MTSS1: variants seen among roughly 807,000 people sequenced by gnomAD.
MTSS1 encodes MTSS I-BAR domain containing 1.
Under a neutral mutation model 79.0 loss-of-function variants are expected in MTSS1, and 18 were observed. The observed-to-expected ratio is 0.23, with a 90% CI of 0.16 to 0.34. MTSS1 has a LOEUF of 0.34. Among genes scored for constraint, MTSS1 ranks in the 10% least tolerant of loss-of-function variants. The pLI is 1.00. For missense variants in MTSS1, 815 were observed against 986.2 expected, an observed-to-expected ratio of 0.83 and a Z score of 2.33; for synonymous variants, 341 against 368.6, an observed-to-expected ratio of 0.93 and a Z score of 0.86.
chr8:124,708,298 C>A lies in MTSS1; in HGVS notation c.73-4107G>T, dbSNP rs533705560. ...AGTGCTCGGTGCAGTGCCCAGCACA[C>A]TGGAAGTGCTCAACAAACATTTGAT... is the stretch of plus-strand genomic sequence containing the variant. On this transcript the variant is annotated intron_variant, in intron 1 of 13. Transcript: ENST00000518547. Among the ~76,000 whole-genome samples the A allele has an allele frequency of 2.0e-5, 3 of 152,304 alleles. No homozygotes were observed. In the South Asian group the frequency reaches 6.2e-4, roughly 32 times the overall value.
intron 3 of MTSS1, among the ~76,000 whole-genome samples, chr8:124,599,844 T>C (rs774996970): frequency 6.6e-6 from 1 of 152,154 alleles, no homozygotes; most frequent in Non-Finnish European, 1.5e-5. Flanking sequence ...TCTCTCACCA[T>C]GGCTAATCTA....
At position 124,568,906 on chromosome 8, in the gene MTSS1, G is replaced by T. The variant is rs1051484571; in HGVS notation, c.461-370C>A. On this transcript the variant is annotated intron_variant, in intron 6 of 13. Transcript: ENST00000518547. ...ACATTCTGAAGAGGCTAAGAGATGT[G>T]GAAACAAGGTAAGAGCCTGTGGGTG... 4 of 1,364,196 alleles carry T rather than the reference G, an allele frequency of 2.9e-6. No homozygotes were observed. The East Asian group carries it at 8.3e-5, about 28-fold the overall frequency. The allele number at this position is 1,364,196 out of a possible 1,614,324, so 84.5% of individuals were successfully genotyped here.
chr8:124,696,773 C>T (rs1406921536), intron 3 of MTSS1, among the ~76,000 whole-genome samples: 1 of 151,524 alleles, frequency 6.6e-6, no homozygotes, highest in Non-Finnish European at 1.5e-5. Context: ...ATCACTTGAA[C>T]CCTAGAGGGG....
intron 3 of MTSS1, among the ~76,000 whole-genome samples, chr8:124,655,072 A>T (rs1820693197): frequency 6.6e-6 from 1 of 152,198 alleles, no homozygotes; most frequent in Non-Finnish European, 1.5e-5. Context: ...TCTGCTCTCT[A>T]GCCCCCTAAA....
intron 3 of MTSS1, among the ~76,000 whole-genome samples, chr8:124,689,013 TC>T (rs1827496182): frequency 6.6e-6 from 1 of 152,050 alleles, no homozygotes; most frequent in Admixed American, 6.6e-5. Flanking sequence ...CAAGTAGTTC[TC>T]ACTTTAAGCT....
rs545540314 is a variant in MTSS1 at position 124,567,851 on chromosome 8, G to A, written c.618+528C>T. ...GTACCTTCGAATCAGCTTCCAGAAC[G>A]CCTGCAGTGCAAGTTCTCAATTACG... On this transcript the variant is annotated intron_variant, in intron 7 of 13. Coordinates refer to ENST00000518547, the MANE Select transcript of MTSS1 (RefSeq NM_014751.6). 5.3e-5 allele frequency: 78 copies of A among 1,478,312 alleles called. No homozygotes were observed. In the East Asian group the frequency reaches 1.0e-3, roughly 19 times the overall value. 91.6% of individuals were successfully genotyped at this position (1,478,312 alleles called of 1,614,324 possible). A position where few individuals can be genotyped will look rare whatever the true frequency, so the allele number is the denominator to read the frequency against.
intron 1 of MTSS1, among the ~76,000 whole-genome samples, chr8:124,707,701 C>T (rs897131945): frequency 1.7e-4 from 26 of 149,574 alleles, no homozygotes; most frequent in African/African-American, 6.4e-4. Context: ...GAGCGAGACT[C>T]CATCTCAAAA....
chr8:124,669,200 G>A (rs1823671001), intron 3 of MTSS1, among the ~76,000 whole-genome samples: 3 of 152,238 alleles, frequency 2.0e-5, no homozygotes, highest in Middle Eastern at 6.8e-3. Flanking sequence ...TCAGCCCCAC[G>A]GTTTTGGATT....
chr8:124,591,231 C>T lies in MTSS1; in HGVS notation c.213G>A (p.Gly71=). The change falls in exon 4 of 14, where the codon GGG becomes GGA. Residue 71 remains glycine, a synonymous_variant. Coordinates refer to ENST00000518547, the MANE Select transcript of MTSS1 (RefSeq NM_014751.6). ...VADMATNTRG[G]TREIGSALTR... ...TGAGAGCAGATCCAATCTCCCTGGT[C>T]CCACCTGAAAAAGCAACAGAGGCAA... is the stretch of plus-strand genomic sequence containing the variant. 1 of 1,614,018 alleles carries T rather than the reference C, an allele frequency of 6.2e-7. No individual in the cohort carries two copies. The highest frequency in any genetic ancestry group is 1.6e-4 in the Middle Eastern group (1 of 6,062).
chr8:124,685,187 C>T (rs1234600720), intron 3 of MTSS1, among the ~76,000 whole-genome samples: 3 of 152,160 alleles, frequency 2.0e-5, no homozygotes, highest in Non-Finnish European at 4.4e-5. Flanking sequence ...CATCCCGGTA[C>T]GGGGCTTTCT....
intron 3 of MTSS1, among the ~76,000 whole-genome samples, chr8:124,642,580 G>GT (rs1818253518): frequency 2.0e-5 from 3 of 151,962 alleles, no homozygotes; most frequent in South Asian, 4.1e-4. Flanking sequence ...TTTCTTCTGG[G>GT]TTTTTTCTTT....
chr8:124,713,249 C>T (rs916066557), intron 1 of MTSS1, among the ~76,000 whole-genome samples: 4 of 152,218 alleles, frequency 2.6e-5, no homozygotes, highest in African/African-American at 9.7e-5. Context: ...GCAATGGCCA[C>T]CCCACCACAA....
intron 6 of MTSS1, chr8:124,580,316 G>T (rs1449800284): frequency 4.0e-6 from 2 of 500,870 alleles, no homozygotes; most frequent in Non-Finnish European, 3.6e-6. Flanking sequence ...TGATTCAAAG[G>T]CTCTCAGAGT....
intron 1 of MTSS1, 35 bp from the exon 2 acceptor site, chr8:124,704,226 G>T: frequency 6.4e-7 from 1 of 1,566,530 alleles, no homozygotes; most frequent in Non-Finnish European, 8.8e-7. Flanking sequence ...AAGTCACACT[G>T]CGATAGACAT....
chr8:124,637,449 C>T (rs146601759), intron 3 of MTSS1, among the ~76,000 whole-genome samples: 1 of 152,254 alleles, frequency 6.6e-6, no homozygotes, highest in Non-Finnish European at 1.5e-5. Flanking sequence ...CCCCAGAAGG[C>T]CCTTCTCCCA....
In MTSS1 at chr8:124,552,990, A is replaced by T. The variant is rs1387267585; in HGVS notation, c.*2T>A. ...TTCCCCACCGGCGCATTTCTTGTGAACCTAAGAAAAGCGAGGGGCTGAGCG... is the reference window on the plus strand; with the variant it reads ...TTCCCCACCGGCGCATTTCTTGTGATCCTAAGAAAAGCGAGGGGCTGAGCG... On this transcript the variant is annotated 3_prime_UTR_variant, in exon 14 of 14. Transcript: ENST00000518547. 9 of 1,609,522 alleles carry T rather than the reference A, an allele frequency of 5.6e-6. No homozygotes were observed. The highest frequency in any genetic ancestry group is 7.7e-6 in the Non-Finnish European group (9 of 1,176,272).
intron 3 of MTSS1, among the ~76,000 whole-genome samples, chr8:124,691,576 T>C (rs887798269): frequency 2.0e-5 from 3 of 152,048 alleles, no homozygotes; most frequent in South Asian, 2.1e-4. Flanking sequence ...AGTACAATGG[T>C]ACGATCTTGG....
chr8:124,677,044 C>G (rs1825418590), intron 3 of MTSS1, among the ~76,000 whole-genome samples: 1 of 152,146 alleles, frequency 6.6e-6, no homozygotes, highest in Non-Finnish European at 1.5e-5. Context: ...AAAGGGAGTG[C>G]TAAGCCTACA....
At chr8:124,643,205 C>T (rs955763642) in intron 3 of MTSS1, among the ~76,000 whole-genome samples, 16 of 152,198 alleles carry the variant, frequency 1.1e-4, no homozygotes, top group African/African-American at 3.6e-4. Flanking sequence ...ACTCGGCAAT[C>T]CCACATGAGG....
Sources: gnomAD v4.1 joint callset for allele counts (sites outside exome capture counted in the v4.1 genomes callset) on GRCh38, gnomAD v4.1.1 for gene constraint, MANE v1.5 for transcripts, NCBI Gene and HGNC (gene_info 2026-07-23, HGNC 2026-07-21) for gene names.